The following KHDRBS2 variants were observed in gnomAD, a reference collection of about 807,000 sequenced individuals.
The protein encoded by KHDRBS2 is KH domain-containing, RNA-binding, signal transduction-associated protein 2.
In KHDRBS2, 26 loss-of-function variants were observed where a neutral mutation model predicts 44.3. That is an observed-to-expected ratio of 0.59 (90% CI 0.43 to 0.81). The LOEUF (loss-of-function observed/expected upper bound fraction) is 0.81, where lower values mean the gene tolerates loss of function less well. KHDRBS2 is among the 40% of genes least tolerant of loss of function. The pLI is 0.00. For missense variants in KHDRBS2, 476 were observed against 433.1 expected (o/e 1.10, Z -0.88); for synonymous variants, 194 against 151.1 (o/e 1.28, Z -2.08).
At chr6:61,692,004 C>T (rs899272012) in intron 8 of KHDRBS2, among the ~76,000 whole-genome samples, 1 of 152,100 alleles carries the variant, frequency 6.6e-6, no homozygotes, top group Non-Finnish European at 1.5e-5. Context: ...AACTCTTTAG[C>T]TCATACATTA....
intron 4 of KHDRBS2, among the ~76,000 whole-genome samples, chr6:61,949,169 A>G (rs1029473483): frequency 6.6e-5 from 10 of 152,112 alleles, no homozygotes; most frequent in African/African-American, 2.4e-4. Flanking sequence ...ATGTTTAAGT[A>G]GGGGTGAGAA....
At chr6:61,681,817 G>A (rs1182566184) in intron 8 of KHDRBS2, among the ~76,000 whole-genome samples, 1 of 151,904 alleles carries the variant, frequency 6.6e-6, no homozygotes, top group Non-Finnish European at 1.5e-5. Flanking sequence ...TTTGAGTACT[G>A]TGGAAAATAG....
At chr6:61,581,413 T>C in the KHDRBS2 span, among the ~76,000 whole-genome samples, 2 of 151,690 alleles carry the variant, frequency 1.3e-5, no homozygotes, top group South Asian at 4.2e-4. Flanking sequence ...TGGCTAAATA[T>C]ATAAAAAACA....
intron 3 of KHDRBS2, among the ~76,000 whole-genome samples, chr6:62,032,266 G>A (rs144025110): frequency 5.8e-4 from 88 of 152,128 alleles, no homozygotes; most frequent in African/African-American, 2.0e-3. Flanking sequence ...CAGACACACC[G>A]TTAATCTGGG....
chr6:62,266,254 T>C (rs1223923001), intron 1 of KHDRBS2, among the ~76,000 whole-genome samples: 1 of 152,048 alleles, frequency 6.6e-6, no homozygotes, highest in East Asian at 1.9e-4. Flanking sequence ...CTTATCCTTT[T>C]GGCTTCAGTG....
intron 6 of KHDRBS2, among the ~76,000 whole-genome samples, chr6:61,802,800 G>A (rs186143597): frequency 2.0e-4 from 30 of 152,058 alleles, no homozygotes; most frequent in African/African-American, 6.0e-4. Context: ...TCTACTTGTC[G>A]GCAAATCTCT....
At chr6:62,048,746 G>A (rs576021020) in intron 2 of KHDRBS2, among the ~76,000 whole-genome samples, 5 of 151,948 alleles carry the variant, frequency 3.3e-5, no homozygotes, top group Admixed American at 1.3e-4. Flanking sequence ...GAGCAGTTAC[G>A]AAAGCATTTA....
intron 7 of KHDRBS2, among the ~76,000 whole-genome samples, chr6:61,712,625 C>A (rs551767640): frequency 6.6e-6 from 1 of 151,820 alleles, no homozygotes; most frequent in Non-Finnish European, 1.5e-5. Context: ...GCTATAAAGT[C>A]CTGAACATGG....
chr6:61,999,415 T>C (rs536163451), intron 3 of KHDRBS2, among the ~76,000 whole-genome samples: 1 of 152,254 alleles, frequency 6.6e-6, no homozygotes, highest in African/African-American at 2.4e-5. Flanking sequence ...TCAAGCATCA[T>C]TATCATGAGT....
At chr6:62,102,879 G>C (rs543105214) in intron 2 of KHDRBS2, among the ~76,000 whole-genome samples, 1 of 152,222 alleles carries the variant, frequency 6.6e-6, no homozygotes, top group Admixed American at 6.5e-5. Flanking sequence ...CAAATTTTTT[G>C]TGCCACATCC....
At chr6:62,161,222 T>A (rs1050208523) in intron 2 of KHDRBS2, among the ~76,000 whole-genome samples, 8 of 152,152 alleles carry the variant, frequency 5.3e-5, no homozygotes, top group Admixed American at 1.3e-4. Flanking sequence ...GAATCACTTT[T>A]AAAAATCTAT....
the KHDRBS2 span, among the ~76,000 whole-genome samples, chr6:61,662,768 G>T: frequency 3.3e-5 from 5 of 151,908 alleles, no homozygotes; most frequent in Admixed American, 1.3e-4. Flanking sequence ...TGGAGAGGAT[G>T]TGGAGAAATA....
chr6:62,092,168 C>A (rs892178336), intron 2 of KHDRBS2, among the ~76,000 whole-genome samples: 1 of 151,678 alleles, frequency 6.6e-6, no homozygotes, highest in Non-Finnish European at 1.5e-5. Context: ...CTACCATTTC[C>A]AGCAACCTGA....
In KHDRBS2 at chr6:61,982,990, A is replaced by C. The variant is rs1279861561; in HGVS notation, c.337-4778T>G. On this transcript the variant is annotated intron_variant, in intron 3 of 8. Transcript: ENST00000281156. The stretch of plus-strand genomic sequence containing the variant: ...ATATTTATCTTTTTCTCTTTGTCTA[A>C]TTCCTTCAGAATTGGGAAACTCTTA... 2.0e-5 allele frequency among the ~76,000 whole-genome samples: 3 copies of C among 151,736 alleles called. No individual in the cohort carries two copies. In the South Asian group the frequency reaches 6.2e-4, roughly 31 times the overall value.
intron 1 of KHDRBS2, among the ~76,000 whole-genome samples, chr6:62,221,570 C>CA (rs909100721): frequency 7.3e-5 from 11 of 150,840 alleles, no homozygotes; most frequent in South Asian, 4.2e-4. Context: ...AACTTATATG[C>CA]AAAAAAAAAT....
intron 2 of KHDRBS2, among the ~76,000 whole-genome samples, chr6:62,083,590 G>T (rs1280899049): frequency 1.3e-5 from 2 of 152,068 alleles, no homozygotes; most frequent in East Asian, 3.9e-4. Context: ...CCTAGACTCT[G>T]TTGCAGGCCC....
At chr6:61,820,983 G>T (rs1789809903) in intron 6 of KHDRBS2, among the ~76,000 whole-genome samples, 1 of 152,042 alleles carries the variant, frequency 6.6e-6, no homozygotes, top group Non-Finnish European at 1.5e-5. Context: ...CCTACTGACT[G>T]TGTGAGGAGA....
rs571367781 is a variant in KHDRBS2, at chr6:62,136,115, T to C, written c.219+41070A>G. ...GGTGAGATGATAGATAGTGAGATGATAGATTTACTTGACTGTAGTAACCAC... is the reference window on the plus strand; with the variant it reads ...GGTGAGATGATAGATAGTGAGATGACAGATTTACTTGACTGTAGTAACCAC... On this transcript the variant is annotated intron_variant, in intron 2 of 8. Coordinates refer to ENST00000281156, the MANE Select transcript of KHDRBS2 (RefSeq NM_152688.4). 5.7e-3 allele frequency among the ~76,000 whole-genome samples: 871 copies of C among 151,762 alleles called. 5 individuals are homozygous for C. The highest frequency in any genetic ancestry group is 8.4e-3 in the Non-Finnish European group (569 of 67,908).
chr6:61,605,401 C>T, the KHDRBS2 span, among the ~76,000 whole-genome samples: 434 of 152,272 alleles, frequency 2.9e-3, 4 homozygotes, highest in African/African-American at 9.4e-3. Context: ...ATCCCCAAAC[C>T]GCCACTCTTA....
Sources: gnomAD v4.1 joint callset for allele counts (sites outside exome capture counted in the v4.1 genomes callset) on GRCh38, gnomAD v4.1.1 for gene constraint, MANE v1.5 for transcripts, NCBI Gene and HGNC (gene_info 2026-07-23, HGNC 2026-07-21) for gene names.